The following LIPC variants were observed in gnomAD, a reference collection of about 807,000 sequenced individuals.
LIPC encodes lipase C, hepatic type.
In LIPC, 44 loss-of-function variants were observed where a neutral mutation model predicts 50.7. The observed-to-expected ratio is 0.87, with a 90% CI of 0.68 to 1.11. The LOEUF is 1.11. Ranked by LOEUF, LIPC falls within the 50% of genes most tolerant of loss-of-function variation. The probability of loss-of-function intolerance (pLI) is 0.00; values close to 1 mark genes in which losing one functional copy is unlikely to be tolerated. For missense variants in LIPC, 697 were observed against 648.2 expected, an observed-to-expected ratio of 1.08 and a Z score of -0.82; for synonymous variants, 271 against 256.4, an observed-to-expected ratio of 1.06 and a Z score of -0.54.
chr15:58,510,886 A>G (rs535325899), intron 1 of LIPC, among the ~76,000 whole-genome samples: 1 of 152,374 alleles, frequency 6.6e-6, no homozygotes, highest in Admixed American at 6.5e-5. Flanking sequence ...AGTAATGCAC[A>G]TTGTTCCACA....
intron 6 of LIPC, among the ~76,000 whole-genome samples, chr15:58,558,152 A>G (rs1894023221): frequency 6.6e-6 from 1 of 151,494 alleles, no homozygotes; most frequent in South Asian, 2.1e-4. Flanking sequence ...AGCTCACTGC[A>G]ACCTCTGCCT....
rs1222316864 is a variant in LIPC at position 58,567,214 on chromosome 15, A to AATAT, written c.1389-1489_1389-1486dup. The stretch of plus-strand genomic sequence containing the variant: ...AGACTCCGTCTCAAAAAAAATAAAA[A>AATAT]ATATATATATATATATGTATATATG... On this transcript the variant is annotated intron_variant, in intron 8 of 8. Transcript: ENST00000299022. 6.9e-4 allele frequency among the ~76,000 whole-genome samples: 94 copies of AATAT among 136,736 alleles called. 2 individuals are homozygous for AATAT. Among genetic ancestry groups the AATAT allele is most frequent in the African/African-American group, 2.5e-3 (91 of 36,838 alleles). 89.7% of individuals were successfully genotyped at this position (136,736 alleles called of 152,430 possible).
intron 1 of LIPC, among the ~76,000 whole-genome samples, chr15:58,468,373 C>T (rs1311733952): frequency 6.6e-6 from 1 of 152,190 alleles, no homozygotes; most frequent in Non-Finnish European, 1.5e-5. Context: ...ACTTGTTAGA[C>T]ATGTTAGGGT....
chr15:58,526,421 C>A (rs140002631), intron 1 of LIPC, among the ~76,000 whole-genome samples: 23 of 152,296 alleles, frequency 1.5e-4, no homozygotes, highest in Admixed American at 6.5e-5. Context: ...ACAGCTGGAG[C>A]ACCCTAGCTG....
intron 1 of LIPC, among the ~76,000 whole-genome samples, chr15:58,521,124 G>A (rs1292311483): frequency 1.8e-4 from 28 of 152,260 alleles, no homozygotes; most frequent in African/African-American, 6.7e-4. Flanking sequence ...ACCATAGGAA[G>A]GGGACTGTGG....
At chr15:58,557,547 G>A (rs899480923) in intron 6 of LIPC, among the ~76,000 whole-genome samples, 3 of 151,830 alleles carry the variant, frequency 2.0e-5, no homozygotes, top group African/African-American at 4.8e-5. Flanking sequence ...ACCACGCCCC[G>A]CTAATTTTTT....
At chr15:58,492,904 C>T (rs1226104581) in intron 1 of LIPC, among the ~76,000 whole-genome samples, 2 of 152,150 alleles carry the variant, frequency 1.3e-5, no homozygotes, top group Non-Finnish European at 2.9e-5. Context: ...GGCAAATCTG[C>T]AGGATTACAT....
chr15:58,502,509 C>CTTTTTTT (rs11332551), intron 1 of LIPC, among the ~76,000 whole-genome samples: 21 of 144,518 alleles, frequency 1.5e-4, no homozygotes, highest in Non-Finnish European at 1.8e-4. Flanking sequence ...GTAATTTTCT[C>CTTTTTTT]TTTTTTTTTT....
At chr15:58,512,439 T>C (rs1224101247) in intron 1 of LIPC, among the ~76,000 whole-genome samples, 1 of 152,196 alleles carries the variant, frequency 6.6e-6, no homozygotes, top group African/African-American at 2.4e-5. Context: ...TTATTTTGCT[T>C]TTTAAGACAG....
intron 1 of LIPC, among the ~76,000 whole-genome samples, chr15:58,534,378 T>A (rs1444432785): frequency 1.3e-5 from 2 of 152,140 alleles, no homozygotes; most frequent in Non-Finnish European, 2.9e-5. Context: ...CAGACTCTGA[T>A]CTCATGGAGG....
At chr15:58,460,220 A>G (rs1029205692) in intron 1 of LIPC, among the ~76,000 whole-genome samples, 2 of 152,232 alleles carry the variant, frequency 1.3e-5, no homozygotes, top group African/African-American at 4.8e-5. Context: ...AAGGATGTTT[A>G]TAACAGAGTT....
At chr15:58,537,567 G>A (rs138214129) in intron 1 of LIPC, among the ~76,000 whole-genome samples, 24 of 152,192 alleles carry the variant, frequency 1.6e-4, no homozygotes, top group African/African-American at 4.8e-4. Context: ...TGGCCTGCCT[G>A]GCCTTGTCTC....
Position 58,548,457 on chromosome 15 carries a change from G to A in LIPC, c.936G>A (p.Leu312=), listed in dbSNP as rs1893617654. Residue 312 remains leucine (L), a synonymous_variant, in exon 6 of 9, where the codon CTG becomes CTA. Coordinates refer to ENST00000299022, the MANE Select transcript of LIPC (RefSeq NM_000236.3). Reference sequence around the variant, plus strand: ...ACATGAACAGCTTCAGCCAGGGCCTGTGCCTGAGCTGCAAGAAGGGCCGCT... The same window carrying A: ...ACATGAACAGCTTCAGCCAGGGCCTATGCCTGAGCTGCAAGAAGGGCCGCT... The part of the protein sequence containing the change: ...CGDMNSFSQG[L]CLSCKKGRCN... 3 of 1,613,582 alleles carry A rather than the reference G, an allele frequency of 1.9e-6. No individual in the cohort carries two copies. The highest frequency in any genetic ancestry group is 2.5e-6 in the Non-Finnish European group (3 of 1,179,782).
At chr15:58,491,341 C>T (rs1292406848) in intron 1 of LIPC, among the ~76,000 whole-genome samples, 1 of 152,168 alleles carries the variant, frequency 6.6e-6, no homozygotes, top group African/African-American at 2.4e-5. Context: ...ACTCTACTCT[C>T]CCCAGATGTG....
chr15:58,432,852 T>C (rs1428607670), intron 1 of LIPC, among the ~76,000 whole-genome samples: 2 of 152,224 alleles, frequency 1.3e-5, no homozygotes, highest in African/African-American at 4.8e-5. Context: ...TGGTACTGGT[T>C]ACTGGTCAGG....
At chr15:58,568,663 A>C in intron 8 of LIPC, 53 bp from the exon 9 acceptor site, 1 of 1,015,356 alleles carries the variant, frequency 9.8e-7, no homozygotes, top group Non-Finnish European at 1.6e-6. Flanking sequence ...GAAACACTTC[A>C]ATAAGCTCCA....
chr15:58,565,300 G>A (rs1306839996), intron 8 of LIPC: 4 of 1,535,452 alleles, frequency 2.6e-6, no homozygotes, highest in African/African-American at 2.7e-5. Flanking sequence ...ACCCTGCCCA[G>A]ATGCTCTTAG....
At chr15:58,566,167 C>T in intron 8 of LIPC, 5 of 985,166 alleles carry the variant, frequency 5.1e-6, no homozygotes, top group Admixed American at 6.1e-5. Flanking sequence ...CAACAGACCA[C>T]ACTTTGAATA....
chr15:58,532,634 A>G (rs894514047), intron 1 of LIPC, among the ~76,000 whole-genome samples: 1 of 152,198 alleles, frequency 6.6e-6, no homozygotes, highest in East Asian at 1.9e-4. Flanking sequence ...GTACCAGCCA[A>G]TACATGGAAA....
Sources: allele counts gnomAD v4.1 joint callset (sites outside exome capture counted in the v4.1 genomes callset), GRCh38; gene constraint gnomAD v4.1.1; transcripts MANE v1.5; gene names NCBI Gene and HGNC (gene_info 2026-07-23, HGNC 2026-07-21).